BLACAT1: variants seen among roughly 807,000 people sequenced by gnomAD.
BLACAT1 encodes the protein BLACAT1 overlapping LEMD1 locus.
rs1345341934 is a variant in BLACAT1, at chr1:205,448,108, G to A, written c.-36-7046C>T. ...GAGGGAATCTCCCTCTGGAATCACC[G>A]GCCCAGTCTCTTCATTCCAGAGTGA... On this transcript the variant is annotated intron_variant, in intron 1 of 1. Coordinates refer to ENST00000629624, the Ensembl canonical transcript of BLACAT1. The surrounding 1 kb of genome is among the most constrained non-coding windows in gnomAD (Gnocchi z 4.7). Among the ~76,000 whole-genome samples the A allele has an allele frequency of 6.6e-6, 1 of 152,124 alleles. No individual in the cohort carries two copies. The highest frequency in any genetic ancestry group is 2.4e-5 in the African/African-American group (1 of 41,436).
intron 1 of BLACAT1, among the ~76,000 whole-genome samples, chr1:205,452,656 C>T (rs946608112): frequency 3.9e-5 from 6 of 152,186 alleles, no homozygotes; most frequent in Non-Finnish European, 5.9e-5. Context: ...CATGAGTCTA[C>T]GTTGGAGCTT....
At chr1:205,440,564 T>C (rs975271955) in exon 2 of BLACAT1, 1 of 152,400 alleles carries the variant, frequency 6.6e-6, no homozygotes, top group Admixed American at 6.5e-5. Context: ...ACATGCCTCA[T>C]GCGGTTACCC....
rs570230768 is a variant in BLACAT1 at position 205,453,844 on chromosome 1, T to C, written c.-37+2073A>G. ...AGTTTTGCCTCTCAGCCAATAAAGC[T>C]GTTAAAGAAAAATATAAGAATGGGT... On this transcript the variant is annotated intron_variant, in intron 1 of 1. Transcript: ENST00000629624. Among the ~76,000 whole-genome samples the C allele has an allele frequency of 8.1e-4, 123 of 152,240 alleles. 1 individual carries two copies. The highest frequency in any genetic ancestry group is 2.8e-3 in the African/African-American group (115 of 41,536).
chr1:205,448,372 T>A lies in BLACAT1; in HGVS notation c.-36-7310A>T, dbSNP rs1448418560. ...GTTTGGGACAGCAATCACATAGGAATGAAAAGCCATAGGCCACAGCAGAGT... is the reference window on the plus strand; with the variant it reads ...GTTTGGGACAGCAATCACATAGGAAAGAAAAGCCATAGGCCACAGCAGAGT... On this transcript the variant is annotated intron_variant, in intron 1 of 1. Transcript: ENST00000629624. This position sits in a 1 kb window ranked among gnomAD's most constrained non-coding sequence, Gnocchi z 4.7. 2 of 534,372 alleles carry A rather than the reference T, an allele frequency of 3.7e-6. No homozygotes were observed. Among genetic ancestry groups the A allele is most frequent in the Non-Finnish European group, 7.7e-6 (2 of 259,994 alleles). The allele number at this position is 534,372 out of a possible 1,614,324, so 33.1% of individuals were successfully genotyped here. A position where few individuals can be genotyped will look rare whatever the true frequency, so the allele number is the denominator to read the frequency against.
chr1:205,441,219 T>C lies in BLACAT1; in HGVS notation c.-36-157A>G, dbSNP rs1172598508. Among the ~76,000 whole-genome samples, 2 of 150,568 alleles carry C rather than the reference T, an allele frequency of 1.3e-5. No individual in the cohort carries two copies. Among genetic ancestry groups the C allele is most frequent in the Non-Finnish European group, 3.0e-5 (2 of 67,644 alleles). The stretch of plus-strand genomic sequence containing the variant: ...TCTCTCACACCGGCTGGGGGAGGAG[T>C]CAAGCCTCTAAACAACAGCTCTTTG... On this transcript the variant is annotated intron_variant, in intron 1 of 1. Transcript: ENST00000629624. The surrounding 1 kb of genome is among the most constrained non-coding windows in gnomAD (Gnocchi z 4.3).
At chr1:205,451,928 TGAGA>T (rs574252370) in intron 1 of BLACAT1, among the ~76,000 whole-genome samples, 2 of 151,714 alleles carry the variant, frequency 1.3e-5, no homozygotes, top group African/African-American at 4.8e-5. Context: ...AGGAGAAGCC[TGAGA>T]GAGAGAAAGC....
downstream of BLACAT1, chr1:205,435,355 C>T (rs1324941959): frequency 6.6e-6 from 1 of 152,162 alleles, no homozygotes; most frequent in African/African-American, 2.4e-5. Flanking sequence ...AGGGAACAGA[C>T]AGAGAAAGAA....
rs999236598 is a variant in BLACAT1 at position 205,448,433 on chromosome 1, G to A, written c.-36-7371C>T. 5.6e-6 allele frequency: 3 copies of A among 531,956 alleles called. No individual in the cohort carries two copies. The highest frequency in any genetic ancestry group is 1.9e-5 in the Admixed American group (1 of 51,282). 33.0% of individuals were successfully genotyped at this position (531,956 alleles called of 1,614,324 possible). Reference sequence around the variant, plus strand: ...AGCGGCAGGAATCTCATAGGGAAGCGAGAAGCTGGGGCACCCGAGAAGCCC... The same window carrying A: ...AGCGGCAGGAATCTCATAGGGAAGCAAGAAGCTGGGGCACCCGAGAAGCCC... On this transcript the variant is annotated intron_variant, in intron 1 of 1. Transcript: ENST00000629624. The surrounding 1 kb of genome is among the most constrained non-coding windows in gnomAD (Gnocchi z 4.7).
chr1:205,448,216 C>T lies in BLACAT1; in HGVS notation c.-36-7154G>A. Reference sequence around the variant, plus strand: ...CCAGGTTACCAGATCCCGTGATGCCCCACCCCCAAGCAAAGCCTCCTTCTG... The same window carrying T: ...CCAGGTTACCAGATCCCGTGATGCCTCACCCCCAAGCAAAGCCTCCTTCTG... On this transcript the variant is annotated intron_variant, in intron 1 of 1. Coordinates refer to ENST00000629624, the Ensembl canonical transcript of BLACAT1. This position sits in a 1 kb window ranked among gnomAD's most constrained non-coding sequence, Gnocchi z 4.7. 2.1e-6 allele frequency: 1 copy of T among 469,318 alleles called. No individual in the cohort carries two copies. The highest frequency in any genetic ancestry group is 4.5e-6 in the Non-Finnish European group (1 of 224,406). 29.1% of individuals were successfully genotyped at this position (469,318 alleles called of 1,614,324 possible).
intron 1 of BLACAT1, among the ~76,000 whole-genome samples, chr1:205,442,726 A>G (rs1252613127): frequency 6.6e-6 from 1 of 152,210 alleles, no homozygotes; most frequent in East Asian, 1.9e-4. Flanking sequence ...ACTCTGGTGG[A>G]GTATATATAG....
chr1:205,441,770 G>A lies in BLACAT1; in HGVS notation c.-36-708C>T, dbSNP rs1334724355. ...CCTATGCTGGGCAAAGGGTTGAGAG[G>A]TAGATACAAAAGGGTAAAGACATGG... On this transcript the variant is annotated intron_variant, in intron 1 of 1. Coordinates refer to ENST00000629624, the Ensembl canonical transcript of BLACAT1. The surrounding 1 kb of genome is among the most constrained non-coding windows in gnomAD (Gnocchi z 4.3). Among the ~76,000 whole-genome samples the A allele has an allele frequency of 6.6e-6, 1 of 152,184 alleles. No individual in the cohort carries two copies. The highest frequency in any genetic ancestry group is 6.5e-5 in the Admixed American group (1 of 15,284).
chr1:205,441,846 C>G lies in BLACAT1; in HGVS notation c.-36-784G>C, dbSNP rs1362285925. On this transcript the variant is annotated intron_variant, in intron 1 of 1. Transcript: ENST00000629624. The surrounding 1 kb of genome is among the most constrained non-coding windows in gnomAD (Gnocchi z 4.3). The stretch of plus-strand genomic sequence containing the variant: ...GGTAGAGGCTGAGGCTGGATCTGCC[C>G]CAGCTGGACACGCTGTCCCCCACCT... Among the ~76,000 whole-genome samples the G allele has an allele frequency of 6.6e-6, 1 of 152,174 alleles. No homozygotes were observed. Among genetic ancestry groups the G allele is most frequent in the Non-Finnish European group, 1.5e-5 (1 of 68,026 alleles).
At chr1:205,451,092 G>A (rs1405220558) in intron 1 of BLACAT1, among the ~76,000 whole-genome samples, 1 of 152,156 alleles carries the variant, frequency 6.6e-6, no homozygotes, top group African/African-American at 2.4e-5. Flanking sequence ...TATCCACTGT[G>A]TATAAGGGCC....
exon 2 of BLACAT1, among the ~76,000 whole-genome samples, chr1:205,440,384 G>T (rs1666272262): frequency 6.6e-6 from 1 of 152,194 alleles, no homozygotes; most frequent in Non-Finnish European, 1.5e-5. Flanking sequence ...ACCTGGCCCA[G>T]GAGGATGCTG....
intron 1 of BLACAT1, among the ~76,000 whole-genome samples, chr1:205,451,991 G>T (rs531736659): frequency 2.6e-5 from 4 of 152,134 alleles, no homozygotes; most frequent in Non-Finnish European, 5.9e-5. Flanking sequence ...GGAGGCAGAG[G>T]TGGAGCACAG....
In BLACAT1 at chr1:205,450,879, T is replaced by G. The variant is rs561135559; in HGVS notation, c.-37+5038A>C. ...AAGAGGAAGCAGGTCAAGCCTCACC[T>G]CCTTTCCCGAGGAAAACCCTGCTTC... On this transcript the variant is annotated intron_variant, in intron 1 of 1. Transcript: ENST00000629624. This position sits in a 1 kb window ranked among gnomAD's most constrained non-coding sequence, Gnocchi z 4.4. Among the ~76,000 whole-genome samples the G allele has an allele frequency of 6.6e-6, 1 of 152,216 alleles. No homozygotes were observed. Among genetic ancestry groups the G allele is most frequent in the East Asian group, 1.9e-4 (1 of 5,172 alleles).
At chr1:205,436,911 G>C (rs1666218632), downstream of BLACAT1, 1 of 152,292 alleles carries the variant, frequency 6.6e-6, no homozygotes, top group South Asian at 2.1e-4. Flanking sequence ...CCTTTATAAT[G>C]CGTGCCTTCC....
At chr1:205,455,250 G>A (rs1448583225) in intron 1 of BLACAT1, among the ~76,000 whole-genome samples, 2 of 152,168 alleles carry the variant, frequency 1.3e-5, no homozygotes, top group Non-Finnish European at 1.5e-5. Flanking sequence ...ATGGCCAAGA[G>A]GTCTGGCCAG....
chr1:205,435,468 T>C (rs1205225434), downstream of BLACAT1: 2 of 152,208 alleles, frequency 1.3e-5, no homozygotes, highest in Non-Finnish European at 1.5e-5. Context: ...GGAGAATATA[T>C]GCTATTTTGC....
Sources: allele counts gnomAD v4.1 joint callset (sites outside exome capture counted in the v4.1 genomes callset), GRCh38; gene constraint gnomAD v4.1.1; non-coding constraint Gnocchi (gnomAD v3.1); transcripts MANE v1.5; gene names NCBI Gene and HGNC (gene_info 2026-07-23, HGNC 2026-07-21).